Variants in DNM1 observed in about 807,000 individuals in gnomAD.
DNM1 encodes the protein dynamin-1.
A neutral mutation model predicts 104.6 loss-of-function variants in DNM1; 29 were observed. That is an observed-to-expected ratio of 0.28 (90% CI 0.21 to 0.38). DNM1 has a LOEUF of 0.38. Ranked by LOEUF, DNM1 falls within the 10% of genes least tolerant of loss-of-function variation. DNM1 has a pLI of 1.00. For synonymous variants in DNM1, 445 were observed against 475.8 expected (o/e 0.94, Z 0.84); for missense variants, 640 against 1,189.4 (o/e 0.54, Z 6.79).
intron 11 of DNM1, among the ~76,000 whole-genome samples, chr9:128,235,263 A>G (rs145946031): frequency 0.036 from 5,480 of 151,944 alleles, 318 homozygotes; most frequent in African/African-American, 0.12. Flanking sequence ...TGGGAGGCCA[A>G]GGTGGGCGGA....
chr9:128,254,574 GC>G lies in DNM1; in HGVS notation c.2535-78del. 3.1e-6 allele frequency: 5 copies of G among 1,588,444 alleles called. No individual in the cohort carries two copies. Among genetic ancestry groups the G allele is most frequent in the South Asian group, 1.1e-5 (1 of 90,784 alleles). On this transcript the variant is annotated intron_variant, in intron 21 of 21. Transcript: ENST00000372923. The surrounding 1 kb of genome is among the most constrained non-coding windows in gnomAD (Gnocchi z 6.1). ...CACTGCTGCGGCGCGGCCGGCCCCG[GC>G]CGTGTGCTGCGCTTGCCTTACCAGC... is the stretch of plus-strand genomic sequence containing the variant.
chr9:128,207,682 A>G (rs1293408442), intron 1 of DNM1, among the ~76,000 whole-genome samples: 2 of 152,126 alleles, frequency 1.3e-5, no homozygotes, highest in Non-Finnish European at 2.9e-5. Context: ...CCCAGCTGCT[A>G]TTTCCTCATC....
rs766887457 is a variant in DNM1, at chr9:128,250,275, A to C, written c.2237A>C (p.Asn746Thr). The part of the protein sequence containing the change: ...KEALSIIGDI[N>T]TTTVSTPMPP... ...GCGCTCAGCATCATCGGCGACATCA[A>C]CACGACCACCGTCAGCACGCCCATG... Residue 746 changes from asparagine to threonine, a missense_variant, in exon 20 of 22, where the codon AAC becomes ACC. Asn to Thr is a moderately conservative substitution (Grantham distance 65). This residue lies in a region of DNM1 where 129 missense variants were observed against 224.6 expected (regional missense o/e 0.57). Transcript: ENST00000372923. 6.2e-7 allele frequency: 1 copy of C among 1,613,376 alleles called. No individual in the cohort carries two copies. The highest frequency in any genetic ancestry group is 8.5e-7 in the Non-Finnish European group (1 of 1,179,730).
At position 128,254,919 on chromosome 9, in the gene DNM1, A is replaced by G. The variant is rs1829759880; in HGVS notation, c.*205A>G. 3.7e-6 allele frequency: 2 copies of G among 547,186 alleles called. No homozygotes were observed. The highest frequency in any genetic ancestry group is 1.9e-5 in the African/African-American group (1 of 51,704). The allele number at this position is 547,186 out of a possible 1,614,324, so 33.9% of individuals were successfully genotyped here. Reference sequence around the variant, plus strand: ...TGGTATGCCCTTGCCCTGTTCTATAAATATCTATAAATACTCATATATATA... The same window carrying G: ...TGGTATGCCCTTGCCCTGTTCTATAGATATCTATAAATACTCATATATATA... On this transcript the variant is annotated 3_prime_UTR_variant, in exon 22 of 22. Transcript: ENST00000372923. The surrounding 1 kb of genome is among the most constrained non-coding windows in gnomAD (Gnocchi z 6.1).
chr9:128,251,239 G>A, intron 21 of DNM1: 1 of 591,076 alleles, frequency 1.7e-6, no homozygotes, highest in South Asian at 1.5e-5. Context: ...CACTCTTGGC[G>A]GCCGCCCACA....
Position 128,253,114 on chromosome 9 carries a change from G to A in DNM1, c.2535-1540G>A. 3 of 1,609,188 alleles carry A rather than the reference G, an allele frequency of 1.9e-6. No homozygotes were observed. The highest frequency in any genetic ancestry group is 1.7e-6 in the Non-Finnish European group (2 of 1,179,974). On this transcript the variant is annotated intron_variant, in intron 21 of 21. Coordinates refer to ENST00000372923, the MANE Select transcript of DNM1 (RefSeq NM_004408.4). This position sits in a 1 kb window ranked among gnomAD's most constrained non-coding sequence, Gnocchi z 5.9. ...GCTGTCTTTCAGAATCACTATCAGTGACCCCTGAGGAGCGTCAGCCATGGT... is the reference window on the plus strand; with the variant it reads ...GCTGTCTTTCAGAATCACTATCAGTAACCCCTGAGGAGCGTCAGCCATGGT...
Position 128,253,105 on chromosome 9 carries a change from A to C in DNM1, c.2535-1549A>C, listed in dbSNP as rs1403133777. On this transcript the variant is annotated intron_variant, in intron 21 of 21. Coordinates refer to ENST00000372923, the MANE Select transcript of DNM1 (RefSeq NM_004408.4). The surrounding 1 kb of genome is among the most constrained non-coding windows in gnomAD (Gnocchi z 5.9). ...TGATTTCGTGCTGTCTTTCAGAATC[A>C]CTATCAGTGACCCCTGAGGAGCGTC... 6.2e-7 allele frequency: 1 copy of C among 1,609,784 alleles called. No individual in the cohort carries two copies. Among genetic ancestry groups the C allele is most frequent in the East Asian group, 2.2e-5 (1 of 44,876 alleles).
intron 10 of DNM1, among the ~76,000 whole-genome samples, chr9:128,229,127 C>G (rs1341150918): frequency 5.9e-5 from 9 of 152,174 alleles, no homozygotes. Flanking sequence ...AGGCTGGGCT[C>G]ACACCTGTAA....
rs1419538950 is a variant in DNM1, at chr9:128,245,672, A to G, written c.1672-722A>G. 6.6e-6 allele frequency among the ~76,000 whole-genome samples: 1 copy of G among 152,188 alleles called. No individual in the cohort carries two copies. The highest frequency in any genetic ancestry group is 1.5e-5 in the Non-Finnish European group (1 of 68,034). On this transcript the variant is annotated intron_variant, in intron 15 of 21. Coordinates refer to ENST00000372923, the MANE Select transcript of DNM1 (RefSeq NM_004408.4). This position sits in a 1 kb window ranked among gnomAD's most constrained non-coding sequence, Gnocchi z 5.2. ...AAGATGTGTACCCCAGTATAAGTCC[A>G]CAGGCATGGCTCTGCAAACATGTAG... is the stretch of plus-strand genomic sequence containing the variant.
chr9:128,210,941 C>T (rs1297775750), intron 1 of DNM1, among the ~76,000 whole-genome samples: 1 of 151,762 alleles, frequency 6.6e-6, no homozygotes, highest in Non-Finnish European at 1.5e-5. Context: ...GAGAAGTCAG[C>T]CCTGGCAACT....
rs969012455 is a variant in DNM1, at chr9:128,236,913, G to A, written c.1423-2532G>A. ...ACCTTGCAGGCATTTTCTTATGCGT[G>A]TGCACTCACACACAAACACACACAA... On this transcript the variant is annotated intron_variant, in intron 11 of 21. Transcript: ENST00000372923. 2.0e-5 allele frequency among the ~76,000 whole-genome samples: 3 copies of A among 152,188 alleles called. No homozygotes were observed. The East Asian group carries it at 5.8e-4, about 29-fold the overall frequency.
Position 128,225,972 on chromosome 9 carries a change from C to T in DNM1, c.1335+1583C>T. ...GATTCCTGTCTCTGCTTGGCTTTCA[C>T]CCACTTCTCCTCCCCACCCACGGCT... On this transcript the variant is annotated intron_variant, in intron 10 of 21. Transcript: ENST00000372923. 1.9e-6 allele frequency: 3 copies of T among 1,548,026 alleles called. No individual in the cohort carries two copies. In the South Asian group the frequency reaches 3.4e-5, roughly 18 times the overall value.
rs772258610 is a variant in DNM1 at position 128,218,334 on chromosome 9, C to A, written c.235+30C>A. 1.9e-6 allele frequency: 3 copies of A among 1,610,278 alleles called. No individual in the cohort carries two copies. The highest frequency in any genetic ancestry group is 2.5e-6 in the Non-Finnish European group (3 of 1,176,526). ...GTGCCCTCCTTCACCAGCAGCCAGGCCTGCCCACTCCAGCCTCTCCCCCGT... is the reference window on the plus strand; with the variant it reads ...GTGCCCTCCTTCACCAGCAGCCAGGACTGCCCACTCCAGCCTCTCCCCCGT... On this transcript the variant is annotated intron_variant, in intron 2 of 21. Transcript: ENST00000372923. The surrounding 1 kb of genome is among the most constrained non-coding windows in gnomAD (Gnocchi z 4.8).
chr9:128,220,937 T>C lies in DNM1; in HGVS notation c.849+596T>C, dbSNP rs372080569. Among the ~76,000 whole-genome samples, 4 of 89,428 alleles carry C rather than the reference T, an allele frequency of 4.5e-5. No individual in the cohort carries two copies. Among genetic ancestry groups the C allele is most frequent in the Non-Finnish European group, 1.1e-4 (4 of 37,488 alleles). The allele number at this position is 89,428 out of a possible 152,430, so 58.7% of individuals were successfully genotyped here. A position where few individuals can be genotyped will look rare whatever the true frequency, so the allele number is the denominator to read the frequency against. On this transcript the variant is annotated intron_variant, in intron 6 of 21. Transcript: ENST00000372923. This position sits in a 1 kb window ranked among gnomAD's most constrained non-coding sequence, Gnocchi z 5.2. ...TCTTTCTTTCTTTCTTTCTTTCTTTTCTTTTCTTTCTTTCTTTCCTTTCTT... is the reference window on the plus strand; with the variant it reads ...TCTTTCTTTCTTTCTTTCTTTCTTTCCTTTTCTTTCTTTCTTTCCTTTCTT...
At chr9:128,209,366 G>A (rs778245376) in intron 1 of DNM1, among the ~76,000 whole-genome samples, 5 of 152,242 alleles carry the variant, frequency 3.3e-5, no homozygotes, top group East Asian at 3.9e-4. Context: ...TCAGAGGGTC[G>A]GACCCAGGGA....
chr9:128,217,860 TCTGTGGGCATTGGACACATAGGCATGTGG>T (rs1244818865), intron 1 of DNM1, among the ~76,000 whole-genome samples: 1 of 152,118 alleles, frequency 6.6e-6, no homozygotes, highest in East Asian at 1.9e-4. Context: ...TGGGATCCAC[TCTGTGGGCATTGGACACATAGGCATGTGG>T]GAGACCCCAT....
intron 11 of DNM1, among the ~76,000 whole-genome samples, chr9:128,237,531 A>G (rs781258733): frequency 1.3e-5 from 2 of 151,936 alleles, no homozygotes; most frequent in Non-Finnish European, 2.9e-5. Flanking sequence ...GGCCTCCCAA[A>G]GTGCTGGGAT....
chr9:128,230,409 C>A (rs1030066204), intron 10 of DNM1, among the ~76,000 whole-genome samples: 1 of 141,240 alleles, frequency 7.1e-6, no homozygotes. Flanking sequence ...TTTCTCTTCA[C>A]AAATTTTATT....
Position 128,219,057 on chromosome 9 carries a change from C to G in DNM1, c.394C>G (p.Leu132Val). The stretch of plus-strand genomic sequence containing the variant: ...CTCGCCGCCCTGTCCAGTGCTGAAC[C>G]TGACCCTGGTGGACCTGCCCGGAAT... Reference protein sequence around the residue: ...LRVYSPHVLNLTLVDLPGMTK... With the variant: ...LRVYSPHVLNVTLVDLPGMTK... Residue 132 changes from leucine (L) to valine (V), a missense_variant, in exon 4 of 22, where the codon CTG (leucine) becomes GTG (valine). By Grantham distance (32) the Leu-to-Val change is conservative. Coordinates refer to ENST00000372923, the MANE Select transcript of DNM1 (RefSeq NM_004408.4). The G allele has an allele frequency of 6.2e-7, 1 of 1,614,056 alleles. No individual in the cohort carries two copies. The highest frequency in any genetic ancestry group is 1.1e-5 in the South Asian group (1 of 91,080).
Sources: gnomAD v4.1 joint callset for allele counts (sites outside exome capture counted in the v4.1 genomes callset) on GRCh38, gnomAD v4.1.1 for gene constraint, gnomAD v4.1.1 regional missense constraint, Gnocchi (gnomAD v3.1) non-coding constraint, MANE v1.5 for transcripts, NCBI Gene and HGNC (gene_info 2026-07-23, HGNC 2026-07-21) for gene names.